Variants in LIPK observed in about 807,000 individuals in gnomAD.
LIPK encodes lipase member K.
A neutral mutation model predicts 48.6 loss-of-function variants in LIPK; 32 were observed. The observed-to-expected ratio is 0.66, with a 90% CI of 0.50 to 0.88. The LOEUF is 0.88. Ranked by LOEUF, LIPK falls within the 40% of genes least tolerant of loss-of-function variation. LIPK has a pLI of 0.00. For missense variants in LIPK, 507 were observed against 478.5 expected (o/e 1.06, Z -0.56); for synonymous variants, 164 against 157.4 (o/e 1.04, Z -0.32).
intron 9 of LIPK, among the ~76,000 whole-genome samples, chr10:88,747,325 T>A (rs1040046953): frequency 6.6e-6 from 1 of 152,124 alleles, no homozygotes; most frequent in African/African-American, 2.4e-5. Context: ...TAAAGAAAAC[T>A]TCAGGCCAAT....
intron 8 of LIPK, 140 bp downstream of exon 8, chr10:88,740,207 A>G: frequency 4.3e-6 from 2 of 469,654 alleles, no homozygotes; most frequent in Admixed American, 7.6e-5. Flanking sequence ...TCAACTCTTC[A>G]TTTTTATTTA....
intron 1 of LIPK, among the ~76,000 whole-genome samples, chr10:88,721,096 T>G (rs1052854252): frequency 7.0e-6 from 1 of 141,980 alleles, no homozygotes; most frequent in Non-Finnish European, 1.5e-5. Flanking sequence ...ATTAGTCTAA[T>G]ATCTTTATAT....
intron 6 of LIPK, among the ~76,000 whole-genome samples, chr10:88,737,066 G>C (rs1456285192): frequency 6.6e-6 from 1 of 152,116 alleles, no homozygotes; most frequent in African/African-American, 2.4e-5. Context: ...TGTGGGTTAA[G>C]CTTTTGTCAT....
At chr10:88,747,751 G>A (rs1362001397) in intron 9 of LIPK, among the ~76,000 whole-genome samples, 1 of 152,114 alleles carries the variant, frequency 6.6e-6, no homozygotes, top group Non-Finnish European at 1.5e-5. Context: ...AAAAAGTCAG[G>A]AAACAATAGA....
chr10:88,750,805 A>C (rs1035453256), intron 9 of LIPK, among the ~76,000 whole-genome samples: 3 of 152,156 alleles, frequency 2.0e-5, no homozygotes, highest in Non-Finnish European at 4.4e-5. Context: ...ATCTAAAATA[A>C]AAGTTGGAAG....
intron 1 of LIPK, among the ~76,000 whole-genome samples, chr10:88,721,022 C>CT (rs1043019156): frequency 5.3e-5 from 8 of 151,990 alleles, no homozygotes; most frequent in African/African-American, 1.9e-4. Context: ...ATCATGTCTG[C>CT]TTTTTTCTTA....
In LIPK at chr10:88,732,505, A is replaced by AACTAAC; in HGVS notation, c.624_625insCTAACA (p.Gln208_Ser209insLeuThr). 6.2e-7 allele frequency: 1 copy of AACTAAC among 1,613,248 alleles called. No homozygotes were observed. On this transcript the variant is annotated inframe_insertion, in exon 6 of 10. Transcript: ENST00000404190. ...CCAGTTGTCACAGTTAAATACACCCAAAGTCCTATGAAAAAACTAACAACC... is the reference window on the plus strand; with the variant it reads ...CCAGTTGTCACAGTTAAATACACCCAACTAACAAGTCCTATGAAAAAACTAACAACC...
At position 88,740,037 on chromosome 10, in the gene LIPK, A is replaced by C; in HGVS notation, c.858A>C (p.Thr286=). 1 of 1,612,736 alleles carries C rather than the reference A, an allele frequency of 6.2e-7. No individual in the cohort carries two copies. The highest frequency in any genetic ancestry group is 1.1e-5 in the South Asian group (1 of 90,992). Residue 286 remains threonine, a synonymous_variant, in exon 8 of 10, where the codon ACA becomes ACC. Coordinates refer to ENST00000404190, the MANE Select transcript of LIPK (RefSeq NM_001080518.2). ...DVYLSHNPAG[T]SVQNMLHWAQ... Reference sequence around the variant, plus strand: ...ATTTGTCACACAATCCTGCGGGAACATCTGTTCAGAATATGCTGCACTGGG... The same window carrying C: ...ATTTGTCACACAATCCTGCGGGAACCTCTGTTCAGAATATGCTGCACTGGG...
intron 1 of LIPK, among the ~76,000 whole-genome samples, chr10:88,723,647 T>C (rs969506929): frequency 3.3e-5 from 5 of 152,152 alleles, no homozygotes; most frequent in African/African-American, 1.2e-4. Flanking sequence ...TAATAATGTT[T>C]TTCCTATGAT....
chr10:88,747,032 C>T (rs1438598281), intron 9 of LIPK, among the ~76,000 whole-genome samples: 4 of 152,010 alleles, frequency 2.6e-5, no homozygotes, highest in East Asian at 1.9e-4. Flanking sequence ...GCATAAATTC[C>T]GGGAAGCATA....
chr10:88,725,325 C>T (rs537803624), intron 2 of LIPK, among the ~76,000 whole-genome samples: 2 of 152,316 alleles, frequency 1.3e-5, no homozygotes, highest in African/African-American at 4.8e-5. Context: ...AACTGTTGAA[C>T]TCACATAATT....
rs543708266 is a variant in LIPK, at chr10:88,711,080, T to C, written c.-12+4760T>C. On this transcript the variant is annotated intron_variant, in intron 1 of 9. Coordinates refer to ENST00000404190, the MANE Select transcript of LIPK (RefSeq NM_001080518.2). ...TGTTGAACATCTTTTCTTGTGTTTA[T>C]TGACCTTCCATCTATTCTCTTTTGT... 1.1e-3 allele frequency among the ~76,000 whole-genome samples: 163 copies of C among 152,312 alleles called. 6 individuals carry two copies. The South Asian group carries it at 0.018, about 17-fold the overall frequency.
intron 8 of LIPK, among the ~76,000 whole-genome samples, chr10:88,740,639 TGTGCATGCG>T (rs923048121): frequency 5.9e-5 from 9 of 152,380 alleles, no homozygotes; most frequent in African/African-American, 2.2e-4. Flanking sequence ...TGTCTTTGTG[TGTGCATGCG>T]CACACACGTG....
chr10:88,752,411 T>C (rs973555149), intron 9 of LIPK, 106 bp from the exon 10 acceptor site: 2 of 747,810 alleles, frequency 2.7e-6, no homozygotes, highest in Non-Finnish European at 4.3e-6. Context: ...AAACTAATTG[T>C]ACACTTGTAG....
At chr10:88,730,128 T>A (rs1465875224) in intron 3 of LIPK, among the ~76,000 whole-genome samples, 1 of 152,214 alleles carries the variant, frequency 6.6e-6, no homozygotes, top group Non-Finnish European at 1.5e-5. Context: ...GTGCTTGACA[T>A]TCAATGAGCA....
intron 1 of LIPK, among the ~76,000 whole-genome samples, chr10:88,712,799 T>C (rs893179667): frequency 1.3e-5 from 2 of 152,170 alleles, no homozygotes; most frequent in Admixed American, 6.5e-5. Flanking sequence ...ACTGTTACCA[T>C]GGGAAGAAGA....
intron 9 of LIPK, among the ~76,000 whole-genome samples, chr10:88,747,704 G>T (rs1276401052): frequency 6.6e-6 from 1 of 152,124 alleles, no homozygotes; most frequent in South Asian, 2.1e-4. Flanking sequence ...AAACCACAAT[G>T]AGATACCATC....
At chr10:88,707,805 A>ATT (rs1357435469) in intron 1 of LIPK, among the ~76,000 whole-genome samples, 3 of 152,094 alleles carry the variant, frequency 2.0e-5, no homozygotes, top group Admixed American at 2.0e-4. Flanking sequence ...TTCCTGATTC[A>ATT]TTGTCTTTCA....
At chr10:88,722,709 G>A (rs1842251237) in intron 1 of LIPK, among the ~76,000 whole-genome samples, 1 of 152,118 alleles carries the variant, frequency 6.6e-6, no homozygotes, top group Admixed American at 6.5e-5. Context: ...GAGTGGTTAA[G>A]AGCACAGTCT....
Sources: gnomAD v4.1 joint callset for allele counts (sites outside exome capture counted in the v4.1 genomes callset) on GRCh38, gnomAD v4.1.1 for gene constraint, MANE v1.5 for transcripts, NCBI Gene and HGNC (gene_info 2026-07-23, HGNC 2026-07-21) for gene names.